Variants in IKZF2 observed in about 807,000 individuals in gnomAD.
IKZF2 encodes the protein IKAROS family zinc finger 2.
Under a neutral mutation model 49.2 loss-of-function variants are expected in IKZF2, and 15 were observed. The ratio of observed to expected loss-of-function variants is 0.30; its 90% CI spans 0.20 to 0.47. The LOEUF (loss-of-function observed/expected upper bound fraction) is 0.47, where lower values mean the gene tolerates loss of function less well. Among genes scored for constraint, IKZF2 ranks in the 20% least tolerant of loss-of-function variants. IKZF2 has a pLI of 1.00. For synonymous variants in IKZF2, 227 were observed against 221.4 expected (o/e 1.03, Z -0.23); for missense variants, 567 against 664.6 (o/e 0.85, Z 1.61).
At chr2:213,048,373 T>C (rs891616941) in intron 6 of IKZF2, among the ~76,000 whole-genome samples, 2 of 152,118 alleles carry the variant, frequency 1.3e-5, no homozygotes, top group African/African-American at 4.8e-5. Context: ...ATTTATTACA[T>C]GAAGTTGAGG....
chr2:213,022,025 A>G lies in IKZF2; in HGVS notation c.680T>C (p.Met227Thr). 6.2e-7 allele frequency: 1 copy of G among 1,613,852 alleles called. No individual in the cohort carries two copies. Among genetic ancestry groups the G allele is most frequent in the Non-Finnish European group, 8.5e-7 (1 of 1,179,808 alleles). The stretch of plus-strand genomic sequence containing the variant: ...ACTCATGACCTGCCCAGCAGCCTCC[A>G]TGCTGACATTCTGGAGATAGTTGTG... The part of the protein sequence containing the change: ...RCHNYLQNVS[M>T]EAAGQVMSHH... Residue 227 changes from methionine (M) to threonine (T), a missense_variant, in exon 7 of 9, where the codon ATG becomes ACG. Physicochemically the swap from Met to Thr is moderately conservative, Grantham distance 81. Transcript: ENST00000434687.
chr2:213,051,040 T>C (rs887725657), intron 5 of IKZF2, among the ~76,000 whole-genome samples: 2 of 152,006 alleles, frequency 1.3e-5, no homozygotes, highest in African/African-American at 4.8e-5. Flanking sequence ...TTAATAGTTT[T>C]TCAAAAAGCT....
intron 5 of IKZF2, 162 bp downstream of exon 5, chr2:213,056,671 C>A: frequency 1.2e-6 from 1 of 850,878 alleles, no homozygotes; most frequent in Non-Finnish European, 1.9e-6. Flanking sequence ...AAGTCAAGAC[C>A]CAGGCTACTC....
chr2:213,107,493 T>C (rs1290805486), intron 4 of IKZF2, among the ~76,000 whole-genome samples: 3 of 152,186 alleles, frequency 2.0e-5, no homozygotes, highest in Non-Finnish European at 4.4e-5. Flanking sequence ...TAAATGTTTT[T>C]CTCACTGTGG....
At chr2:213,125,920 C>T (rs2125864262) in intron 4 of IKZF2, among the ~76,000 whole-genome samples, 1 of 152,170 alleles carries the variant, frequency 6.6e-6, no homozygotes, top group Non-Finnish European at 1.5e-5. Context: ...AATATGTAGA[C>T]ACATGATTTG....
At chr2:213,116,732 C>G (rs2059891070) in intron 4 of IKZF2, among the ~76,000 whole-genome samples, 1 of 152,136 alleles carries the variant, frequency 6.6e-6, no homozygotes, top group African/African-American at 2.4e-5. Context: ...GAGTGAGACC[C>G]TGTCTCACAC....
chr2:213,075,004 G>C (rs548328229), intron 4 of IKZF2, among the ~76,000 whole-genome samples: 1 of 152,212 alleles, frequency 6.6e-6, no homozygotes, highest in African/African-American at 2.4e-5. Flanking sequence ...TTTTCTAGAA[G>C]ACAATTCTAA....
intron 6 of IKZF2, among the ~76,000 whole-genome samples, chr2:213,045,697 C>T (rs941077422): frequency 4.6e-5 from 7 of 152,154 alleles, no homozygotes; most frequent in South Asian, 4.1e-4. Context: ...ATTTTACAGG[C>T]CACTGATCTG....
At chr2:213,045,344 A>G (rs1700052099) in intron 6 of IKZF2, among the ~76,000 whole-genome samples, 1 of 152,224 alleles carries the variant, frequency 6.6e-6, no homozygotes, top group South Asian at 2.1e-4. Context: ...AGCCACTGAC[A>G]CTAGGTATGA....
In IKZF2 at chr2:213,007,717, A is replaced by G; in HGVS notation, c.1224T>C (p.Thr408=). The G allele has an allele frequency of 6.2e-7, 1 of 1,613,700 alleles. No individual in the cohort carries two copies. The highest frequency in any genetic ancestry group is 8.5e-7 in the Non-Finnish European group (1 of 1,179,740). Residue 408 remains threonine, a synonymous_variant, in exon 9 of 9, where the codon ACT becomes ACC. Coordinates refer to ENST00000434687, the MANE Select transcript of IKZF2 (RefSeq NM_001387220.1). ...ASPSNSCLDS[T]DSESSHDDHQ... is the part of the protein sequence containing the mutation. ...GGTCATCATGGCTGCTTTCTGAGTC[A>G]GTGGAATCCAGGCAGCTATTGCTGG...
At chr2:213,024,908 C>T (rs1443995161) in intron 6 of IKZF2, among the ~76,000 whole-genome samples, 1 of 152,030 alleles carries the variant, frequency 6.6e-6, no homozygotes, top group Non-Finnish European at 1.5e-5. Flanking sequence ...TAAAGTAATA[C>T]ATAATTAATA....
intron 4 of IKZF2, among the ~76,000 whole-genome samples, chr2:213,065,476 A>G (rs1702081609): frequency 6.6e-6 from 1 of 152,146 alleles, no homozygotes; most frequent in Non-Finnish European, 1.5e-5. Flanking sequence ...TTAAATTACG[A>G]AGACCTCACA....
intron 7 of IKZF2, among the ~76,000 whole-genome samples, chr2:213,019,915 A>C (rs1389507732): frequency 1.3e-5 from 2 of 152,218 alleles, no homozygotes; most frequent in African/African-American, 4.8e-5. Flanking sequence ...GATTCTCTAA[A>C]AGTTCAATCT....
chr2:213,151,162 A>C (rs567426657), intron 1 of IKZF2, among the ~76,000 whole-genome samples: 1 of 152,096 alleles, frequency 6.6e-6, no homozygotes, highest in Non-Finnish European at 1.5e-5. Flanking sequence ...CTTTACAAAA[A>C]TCATTACCCT....
chr2:213,148,460 T>C (rs752075605), intron 3 of IKZF2, 136 bp downstream of exon 3: 5 of 629,754 alleles, frequency 7.9e-6, no homozygotes, highest in Non-Finnish European at 1.4e-5. Flanking sequence ...TCAAACTCAT[T>C]CAAAGGTGAA....
intron 6 of IKZF2, among the ~76,000 whole-genome samples, chr2:213,024,573 C>T (rs147833650): frequency 3.9e-5 from 6 of 152,214 alleles, no homozygotes; most frequent in Non-Finnish European, 8.8e-5. Context: ...GAAGTAGGAA[C>T]ATTTCAGGTG....
At chr2:213,072,337 G>A (rs1274724706) in intron 4 of IKZF2, among the ~76,000 whole-genome samples, 1 of 144,650 alleles carries the variant, frequency 6.9e-6, no homozygotes, top group Admixed American at 6.9e-5. Flanking sequence ...CTCCCTAAAT[G>A]TTACTAGTCA....
Position 213,011,295 on chromosome 2 carries a change from A to AT in IKZF2, c.856+2495dup, listed in dbSNP as rs770356606. Among the ~76,000 whole-genome samples the AT allele has an allele frequency of 3.9e-5, 6 of 152,100 alleles. No individual in the cohort carries two copies. In the South Asian group the frequency reaches 1.0e-3, roughly 26 times the overall value. On this transcript the variant is annotated intron_variant, in intron 8 of 8. Transcript: ENST00000434687. The stretch of plus-strand genomic sequence containing the variant: ...GGAAGGAGATGGGGCTTAAAGGAAG[A>AT]TTTTTTTTAATTATGAGAATTTATT...
intron 4 of IKZF2, among the ~76,000 whole-genome samples, chr2:213,061,472 C>T (rs1701682357): frequency 6.7e-6 from 1 of 149,026 alleles, no homozygotes; most frequent in South Asian, 2.1e-4. Context: ...ATTTTCTTTG[C>T]CACCATTGTA....
Sources: gnomAD v4.1 joint callset for allele counts (sites outside exome capture counted in the v4.1 genomes callset) on GRCh38, gnomAD v4.1.1 for gene constraint, MANE v1.5 for transcripts, NCBI Gene and HGNC (gene_info 2026-07-23, HGNC 2026-07-21) for gene names.